The following UPF3A variants were observed in gnomAD, a reference collection of about 807,000 sequenced individuals.
UPF3A encodes regulator of nonsense transcripts 3A.
UPF3A carries 42 observed loss-of-function variants against 53.5 expected under a neutral mutation model. The ratio of observed to expected loss-of-function variants is 0.78; its 90% CI spans 0.61 to 1.01. The LOEUF is 1.01. Among genes scored for constraint, UPF3A ranks in the 50% least tolerant of loss-of-function variants. UPF3A has a pLI of 0.00. For synonymous variants in UPF3A, 237 were observed against 225.3 expected (o/e 1.05, Z -0.47); for missense variants, 575 against 598.0 (o/e 0.96, Z 0.40).
At chr13:114,295,107 G>A (rs138123501) in intron 7 of UPF3A, among the ~76,000 whole-genome samples, 2,292 of 134,530 alleles carry the variant, frequency 0.017, 99 homozygotes, top group Admixed American at 0.082. Context: ...GCAAGACTCC[G>A]TCTCAAAAAA....
At chr13:114,284,263 G>C (rs552879993) in intron 3 of UPF3A, among the ~76,000 whole-genome samples, 11 of 152,262 alleles carry the variant, frequency 7.2e-5, no homozygotes, top group African/African-American at 2.6e-4. Flanking sequence ...TCGGAAGACT[G>C]AGACAGGAGA....
At position 114,299,013 on chromosome 13, in the gene UPF3A, T is replaced by C; in HGVS notation, c.1007+13T>C. ...AGCCCCAGGAGACGTGAGCGTGCTT[T>C]CATTGTTATGACCACGTCAGCTCCC... On this transcript the variant is annotated intron_variant, in intron 8 of 9. Transcript: ENST00000375299. 1 of 1,586,864 alleles carries C rather than the reference T, an allele frequency of 6.3e-7. No homozygotes were observed. The highest frequency in any genetic ancestry group is 1.4e-5 in the African/African-American group (1 of 73,190).
intron 1 of UPF3A, 60 bp downstream of exon 1, chr13:114,281,906 A>G (rs1227743922): frequency 2.0e-6 from 1 of 489,566 alleles, no homozygotes; most frequent in Non-Finnish European, 3.7e-6. Context: ...GAGTGGAGGG[A>G]GGGGAGGGAG....
chr13:114,284,698 CA>C (rs57498642), intron 3 of UPF3A, among the ~76,000 whole-genome samples: 6,304 of 137,490 alleles, frequency 0.046, 155 homozygotes, highest in Non-Finnish European at 0.054. Flanking sequence ...GACTCTGTCT[CA>C]AAAAAAAAAA....
intron 5 of UPF3A, chr13:114,286,945 A>C (rs2084752265): frequency 8.1e-6 from 2 of 247,268 alleles, no homozygotes; most frequent in African/African-American, 4.5e-5. Flanking sequence ...GTTGTGTCAC[A>C]TAGTTGAAGT....
chr13:114,291,671 G>A lies in UPF3A; in HGVS notation c.725G>A (p.Arg242Lys). Reference protein sequence around the residue: ...REEKREERRRRELEKKRLREE... With the variant: ...REEKREERRRKELEKKRLREE... Reference sequence around the variant, plus strand: ...GAGAAGCGAGAAGAACGGAGGAGGAGAGAGTTAGAAAAGAAACGTTTGCGG... The same window carrying A: ...GAGAAGCGAGAAGAACGGAGGAGGAAAGAGTTAGAAAAGAAACGTTTGCGG... Residue 242 changes from arginine to lysine, a missense_variant, in exon 7 of 10, where the codon AGA (arginine) becomes AAA (lysine). Coordinates refer to ENST00000375299, the MANE Select transcript of UPF3A (RefSeq NM_023011.4). 2 of 1,608,094 alleles carry A rather than the reference G, an allele frequency of 1.2e-6. No individual in the cohort carries two copies. The highest frequency in any genetic ancestry group is 1.7e-6 in the Non-Finnish European group (2 of 1,178,242).
rs75162500 is a variant in UPF3A at position 114,281,929 on chromosome 13, C to T, written c.207+83C>T. On this transcript the variant is annotated intron_variant, in intron 1 of 9. Coordinates refer to ENST00000375299, the MANE Select transcript of UPF3A (RefSeq NM_023011.4). ...GGAGGGGAGGGAGGGGAGGGAGGGGCGGGGGCCGGGCCTCCCAGCGCGGTA... is the reference window on the plus strand; with the variant it reads ...GGAGGGGAGGGAGGGGAGGGAGGGGTGGGGGCCGGGCCTCCCAGCGCGGTA... 2.8e-5 allele frequency: 11 copies of T among 395,968 alleles called. No individual in the cohort carries two copies. The Admixed American group carries it at 4.4e-4, about 16-fold the overall frequency. 24.5% of individuals were successfully genotyped at this position (395,968 alleles called of 1,614,324 possible). A position where few individuals can be genotyped will look rare whatever the true frequency, so the allele number is the denominator to read the frequency against.
Position 114,301,807 on chromosome 13 carries a change from C to A in UPF3A, c.1084C>A (p.His362Asn). The A allele has an allele frequency of 6.2e-7, 1 of 1,613,878 alleles. No homozygotes were observed. The change falls in exon 9 of 10, where the codon CAT (histidine) becomes AAT (asparagine). Residue 362 changes from histidine (H) to asparagine (N), a missense_variant. This residue lies in a region of UPF3A where 323 missense variants were observed against 415.2 expected (regional missense o/e 0.78). Coordinates refer to ENST00000375299, the MANE Select transcript of UPF3A (RefSeq NM_023011.4). ...QEQESEAQRYHVDDGRRHRAH... is the reference protein window; with the variant it reads ...QEQESEAQRYNVDDGRRHRAH... ...ACAAGAATCTGAAGCACAAAGATAC[C>A]ATGTGGATGACGGCAGGAGGCACAG...
In UPF3A at chr13:114,281,986, C is replaced by T. The variant is rs1410338965; in HGVS notation, c.208-35C>T. On this transcript the variant is annotated intron_variant, in intron 1 of 9. Transcript: ENST00000375299. ...GCCTTTTGAGCTCCTTGTCCACGCT[C>T]CGCCCCGGTGGGAACGGCCGCGCGC... is the stretch of plus-strand genomic sequence containing the variant. 13 of 1,529,710 alleles carry T rather than the reference C, an allele frequency of 8.5e-6. No homozygotes were observed. The East Asian group carries it at 3.0e-4, about 35-fold the overall frequency. The allele number at this position is 1,529,710 out of a possible 1,614,324, so 94.8% of individuals were successfully genotyped here.
At chr13:114,283,051 C>A in intron 3 of UPF3A, 108 bp downstream of exon 3, 1 of 886,060 alleles carries the variant, frequency 1.1e-6, no homozygotes, top group Non-Finnish European at 1.7e-6. Context: ...GAGACAGGGT[C>A]TTGCTCTGTT....
At chr13:114,299,823 C>T (rs1398840275) in intron 8 of UPF3A, among the ~76,000 whole-genome samples, 3 of 152,244 alleles carry the variant, frequency 2.0e-5, no homozygotes, top group African/African-American at 7.2e-5. Flanking sequence ...CCCAGGGCCA[C>T]TTGGCCCACA....
intron 8 of UPF3A, among the ~76,000 whole-genome samples, chr13:114,300,149 C>A (rs1566768874): frequency 6.6e-6 from 1 of 152,094 alleles, no homozygotes; most frequent in Non-Finnish European, 1.5e-5. Context: ...CCCCAACAGC[C>A]CTGGCAAATG....
intron 9 of UPF3A, among the ~76,000 whole-genome samples, chr13:114,303,537 G>A (rs2086781737): frequency 6.6e-6 from 1 of 152,180 alleles, no homozygotes; most frequent in African/African-American, 2.4e-5. Flanking sequence ...TATAATGCCA[G>A]CACTTTGGGA....
chr13:114,298,341 C>CA (rs1261643916), intron 7 of UPF3A, among the ~76,000 whole-genome samples: 1 of 151,324 alleles, frequency 6.6e-6, no homozygotes, highest in Non-Finnish European at 1.5e-5. Context: ...CCATTGCACT[C>CA]CAGCCTGGGC....
chr13:114,293,483 C>A (rs1294404383), intron 7 of UPF3A, among the ~76,000 whole-genome samples: 4 of 151,992 alleles, frequency 2.6e-5, no homozygotes, highest in Non-Finnish European at 5.9e-5. Flanking sequence ...TTTATCATTT[C>A]TTTGGCAGTA....
chr13:114,299,350 TTTCTC>T (rs938844081), intron 8 of UPF3A, among the ~76,000 whole-genome samples: 3 of 152,228 alleles, frequency 2.0e-5, no homozygotes, highest in African/African-American at 7.2e-5. Context: ...GTTTTTTATT[TTTCTC>T]TGTGTTTGTG....
At position 114,298,939 on chromosome 13, in the gene UPF3A, G is replaced by T. The variant is rs770888169; in HGVS notation, c.946G>T (p.Ala316Ser). The T allele has an allele frequency of 7.4e-6, 12 of 1,610,830 alleles. No homozygotes were observed. Among genetic ancestry groups the T allele is most frequent in the Non-Finnish European group, 1.0e-5 (12 of 1,178,724 alleles). Residue 316 changes from alanine (A) to serine (S), a missense_variant, in exon 8 of 10, where the codon GCC becomes TCC. Transcript: ENST00000375299. The stretch of plus-strand genomic sequence containing the variant: ...TGGAGGTGGCAAGCAGGAATCCTGT[G>T]CCCCCGGTGCAGTCGTAAAAGCCAG... ...DTGGGKQESC[A>S]PGAVVKARPM...
intron 8 of UPF3A, among the ~76,000 whole-genome samples, chr13:114,299,898 C>G (rs2086434299): frequency 6.6e-6 from 1 of 152,230 alleles, no homozygotes; most frequent in South Asian, 2.1e-4. Flanking sequence ...CTTCCCAGAG[C>G]CATAGTCGTA....
chr13:114,292,539 C>CAGG (rs377038581), intron 7 of UPF3A, among the ~76,000 whole-genome samples: 40 of 147,466 alleles, frequency 2.7e-4, no homozygotes, highest in Middle Eastern at 3.7e-3. Flanking sequence ...CGTACACGTG[C>CAGG]AGGTGTGTTA....
Sources: gnomAD v4.1 joint callset for allele counts (sites outside exome capture counted in the v4.1 genomes callset) on GRCh38, gnomAD v4.1.1 for gene constraint, gnomAD v4.1.1 regional missense constraint, MANE v1.5 for transcripts, NCBI Gene and HGNC (gene_info 2026-07-23, HGNC 2026-07-21) for gene names.